The following DTWD1 variants were observed in gnomAD, a reference collection of about 807,000 sequenced individuals.
DTWD1 encodes tRNA-uridine aminocarboxypropyltransferase 1.
Under a neutral mutation model 30.2 loss-of-function variants are expected in DTWD1, and 27 were observed. The observed-to-expected ratio is 0.90, with a 90% CI of 0.66 to 1.23. The LOEUF (loss-of-function observed/expected upper bound fraction) is 1.23. Among genes scored for constraint, DTWD1 ranks in the 50% most tolerant of loss-of-function variants. The pLI is 0.00. For missense variants in DTWD1, 342 were observed against 348.8 expected (o/e 0.98, Z 0.15); for synonymous variants, 99 against 113.1 (o/e 0.88, Z 0.79).
At chr15:49,633,043 C>CTATATATATATATATATATATATATA (rs368196512) in intron 3 of DTWD1, among the ~76,000 whole-genome samples, 3 of 129,526 alleles carry the variant, frequency 2.3e-5, no homozygotes, top group East Asian at 4.1e-4. Context: ...CTATTTATAT[C>CTATATATATATATATATATATATATA]TATATCTATA....
intron 4 of DTWD1, among the ~76,000 whole-genome samples, chr15:49,636,750 C>G (rs1434713361): frequency 6.6e-6 from 1 of 152,058 alleles, no homozygotes; most frequent in Non-Finnish European, 1.5e-5. Context: ...AGAAATGAAC[C>G]TTTTAGCTGA....
chr15:49,627,179 A>T (rs1209830622), intron 2 of DTWD1, among the ~76,000 whole-genome samples: 1 of 152,156 alleles, frequency 6.6e-6, no homozygotes, highest in Admixed American at 6.6e-5. Context: ...TTTAATAGAA[A>T]TGACTCAAGA....
intron 1 of DTWD1, 58 bp from the exon 2 acceptor site, chr15:49,625,055 A>G (rs2153351060): frequency 1.9e-6 from 2 of 1,066,724 alleles, no homozygotes; most frequent in East Asian, 5.0e-5. Flanking sequence ...TTCTTTGTAG[A>G]CTGAGTAAAA....
At chr15:49,642,232 CTCTTT>C (rs1237688453) in intron 4 of DTWD1, among the ~76,000 whole-genome samples, 1 of 152,104 alleles carries the variant, frequency 6.6e-6, no homozygotes, top group African/African-American at 2.4e-5. Flanking sequence ...GCTACCTTCT[CTCTTT>C]TATTTCTCAC....
At position 49,653,560 on chromosome 15, in the gene DTWD1, A is replaced by G. The variant is rs2079164328; in HGVS notation, c.*9982A>G. ...GCTAAGCCTTGAAGAATAGTGAACA[A>G]ACTCTTACTGGAGGATGGGAAGGCA... On this transcript the variant is annotated 3_prime_UTR_variant, in exon 5 of 5. Transcript: ENST00000403028. The G allele has an allele frequency of 6.6e-6, 1 of 152,188 alleles. No homozygotes were observed. The highest frequency in any genetic ancestry group is 6.5e-5 in the Admixed American group (1 of 15,270). 9.4% of individuals were successfully genotyped at this position (152,188 alleles called of 1,614,324 possible).
chr15:49,627,585 A>G (rs986116027), intron 2 of DTWD1, among the ~76,000 whole-genome samples: 1 of 152,190 alleles, frequency 6.6e-6, no homozygotes, highest in East Asian at 1.9e-4. Flanking sequence ...AGTATAGCCT[A>G]CTATACACCT....
At chr15:49,635,778 G>A (rs1276471231) in intron 4 of DTWD1, among the ~76,000 whole-genome samples, 3 of 152,160 alleles carry the variant, frequency 2.0e-5, no homozygotes, top group Non-Finnish European at 4.4e-5. Flanking sequence ...ACAGGTGTGA[G>A]CCACCACGCG....
rs769769167 is a variant in DTWD1 at position 49,646,919 on chromosome 15, G to A, written c.*3341G>A. On this transcript the variant is annotated 3_prime_UTR_variant, in exon 5 of 5. Transcript: ENST00000403028. ...GTCTCTTTTTCTAGGGAAGTCAGGT[G>A]TTTTAGTCTGGATTTAGTTAGAAAA... 7 of 152,134 alleles carry A rather than the reference G, an allele frequency of 4.6e-5. No individual in the cohort carries two copies. Among genetic ancestry groups the A allele is most frequent in the Admixed American group, 3.9e-4 (6 of 15,270 alleles). The allele number at this position is 152,134 out of a possible 1,614,324, so 9.4% of individuals were successfully genotyped here. A position where few individuals can be genotyped will look rare whatever the true frequency, so the allele number is the denominator to read the frequency against.
rs1472801179 is a variant in DTWD1 at position 49,632,158 on chromosome 15, G to A, written c.265-1G>A. 19 of 1,557,824 alleles carry A rather than the reference G, an allele frequency of 1.2e-5. No individual in the cohort carries two copies. The highest frequency in any genetic ancestry group is 2.2e-5 in the Admixed American group (1 of 45,806). On this transcript the variant is annotated splice_acceptor_variant, in intron 2 of 4. Transcript: ENST00000403028. LOFTEE classifies it high-confidence loss of function. ...TTTATTTGTGCTTTTTTTACCTTTAGCTTCCATTGAAGATTGACATCATTA... is the reference window on the plus strand; with the variant it reads ...TTTATTTGTGCTTTTTTTACCTTTAACTTCCATTGAAGATTGACATCATTA...
Position 49,643,840 on chromosome 15 carries a change from G to A in DTWD1, c.*262G>A. ...TTTCATTACTACATTTTAATATAGT[G>A]TGTTATGTCTCTGTGATTAGATATA... On this transcript the variant is annotated 3_prime_UTR_variant, in exon 5 of 5. Coordinates refer to ENST00000403028, the MANE Select transcript of DTWD1 (RefSeq NM_001144955.2). 3.6e-6 allele frequency: 1 copy of A among 278,070 alleles called. No individual in the cohort carries two copies. Among genetic ancestry groups the A allele is most frequent in the South Asian group, 6.6e-5 (1 of 15,256 alleles). 17.2% of individuals were successfully genotyped at this position (278,070 alleles called of 1,614,324 possible). A position where few individuals can be genotyped will look rare whatever the true frequency, so the allele number is the denominator to read the frequency against.
chr15:49,643,404 C>G lies in DTWD1; in HGVS notation c.741C>G (p.Phe247Leu). 6.3e-7 allele frequency: 1 copy of G among 1,590,006 alleles called. No homozygotes were observed. The highest frequency in any genetic ancestry group is 8.5e-7 in the Non-Finnish European group (1 of 1,171,492). Residue 247 changes from phenylalanine to leucine, a missense_variant, in exon 5 of 5, where the codon TTC (phenylalanine) becomes TTG (leucine). By Grantham distance (22) the Phe-to-Leu change is conservative. Transcript: ENST00000403028. ...WRHQKGKPDT[F>L]LSTIEAIYYF... is the part of the protein sequence containing the mutation. Reference sequence around the variant, plus strand: ...ATCAAAAAGGAAAGCCAGATACTTTCCTTTCTACAATTGAAGCCATTTACT... The same window carrying G: ...ATCAAAAAGGAAAGCCAGATACTTTGCTTTCTACAATTGAAGCCATTTACT...
In DTWD1 at chr15:49,643,743, T is replaced by C; in HGVS notation, c.*165T>C. On this transcript the variant is annotated 3_prime_UTR_variant, in exon 5 of 5. Transcript: ENST00000403028. ...CATATTTCTTGAAGGAAATTGTATC[T>C]GGGGGAATTTTTCAGAGATACTGTT... 1 of 723,808 alleles carries C rather than the reference T, an allele frequency of 1.4e-6. No homozygotes were observed. Among genetic ancestry groups the C allele is most frequent in the Non-Finnish European group, 2.0e-6 (1 of 505,366 alleles). The allele number at this position is 723,808 out of a possible 1,614,324, so 44.8% of individuals were successfully genotyped here.
rs1247633681 is a variant in DTWD1, at chr15:49,647,892, A to G, written c.*4314A>G. ...TGAAAAAGAACAAGCAATAAAAAAG[A>G]TCTCAGAAATTTAAAAAGTGATTGC... On this transcript the variant is annotated 3_prime_UTR_variant, in exon 5 of 5. Coordinates refer to ENST00000403028, the MANE Select transcript of DTWD1 (RefSeq NM_001144955.2). 6.6e-6 allele frequency: 1 copy of G among 152,140 alleles called. No homozygotes were observed. The highest frequency in any genetic ancestry group is 1.5e-5 in the Non-Finnish European group (1 of 68,028). The allele number at this position is 152,140 out of a possible 1,614,324, so 9.4% of individuals were successfully genotyped here.
chr15:49,627,643 T>A (rs925103), intron 2 of DTWD1, among the ~76,000 whole-genome samples: 2 of 152,088 alleles, frequency 1.3e-5, no homozygotes, highest in Admixed American at 6.5e-5. Context: ...CAGCATGTTA[T>A]TGTACTGCAT....
At chr15:49,640,881 T>C (rs1267212920) in intron 4 of DTWD1, among the ~76,000 whole-genome samples, 2 of 152,054 alleles carry the variant, frequency 1.3e-5, no homozygotes, top group Non-Finnish European at 2.9e-5. Context: ...GAAAAAAAAC[T>C]TTTAGTGTGG....
intron 2 of DTWD1, among the ~76,000 whole-genome samples, chr15:49,627,722 A>T (rs2078862318): frequency 6.6e-6 from 1 of 152,208 alleles, no homozygotes; most frequent in African/African-American, 2.4e-5. Context: ...AAAGTACAGT[A>T]GAAGTACAGT....
In DTWD1 at chr15:49,637,360, G is replaced by T. The variant is rs192987503; in HGVS notation, c.667+2566G>T. ...CTCATTTGTCTTTTTGGTGCAACAG[G>T]CAAGTTCACTTGTACTTTTTTTCTG... On this transcript the variant is annotated intron_variant, in intron 4 of 4. Coordinates refer to ENST00000403028, the MANE Select transcript of DTWD1 (RefSeq NM_001144955.2). 8.5e-5 allele frequency among the ~76,000 whole-genome samples: 13 copies of T among 152,180 alleles called. No homozygotes were observed. The East Asian group carries it at 2.5e-3, about 29-fold the overall frequency.
At chr15:49,634,989 A>G (rs2078982595) in intron 4 of DTWD1, among the ~76,000 whole-genome samples, 195 bp downstream of exon 4, 1 of 152,106 alleles carries the variant, frequency 6.6e-6, no homozygotes, top group African/African-American at 2.4e-5. Flanking sequence ...ATCAATTGAA[A>G]GTAAGTTTCA....
chr15:49,643,233 T>A, intron 4 of DTWD1, 98 bp from the exon 5 acceptor site: 1 of 1,326,840 alleles, frequency 7.5e-7, no homozygotes, highest in East Asian at 2.8e-5. Context: ...CTTAGAATAA[T>A]TAAGAGAAAT....
Sources: gnomAD v4.1 joint callset for allele counts (sites outside exome capture counted in the v4.1 genomes callset) on GRCh38, gnomAD v4.1.1 for gene constraint, MANE v1.5 for transcripts, NCBI Gene and HGNC (gene_info 2026-07-23, HGNC 2026-07-21) for gene names.